The following CD37 variants were observed in gnomAD, a reference collection of about 807,000 sequenced individuals.
CD37 encodes leukocyte antigen CD37.
CD37 carries 37 observed loss-of-function variants against 38.9 expected under a neutral mutation model. The ratio of observed to expected loss-of-function variants is 0.95; its 90% CI spans 0.73 to 1.25. The LOEUF is 1.25. Ranked by LOEUF, CD37 falls within the 50% of genes most tolerant of loss-of-function variation. The pLI is 0.00. For synonymous variants in CD37, 146 were observed against 150.1 expected, an observed-to-expected ratio of 0.97 and a Z score of 0.20; for missense variants, 351 against 360.1, an observed-to-expected ratio of 0.97 and a Z score of 0.20.
intron 4 of CD37, chr19:49,337,693 A>G: frequency 6.5e-7 from 1 of 1,529,700 alleles, no homozygotes; most frequent in Non-Finnish European, 8.8e-7. Context: ...CACGGGAAAA[A>G]GAGAGAACAA....
Position 49,335,810 on chromosome 19 carries a change from G to C in CD37, c.142+24G>C, listed in dbSNP as rs779872183. The C allele has an allele frequency of 4.0e-5, 60 of 1,490,766 alleles. No individual in the cohort carries two copies. In the East Asian group the frequency reaches 1.2e-3, roughly 30 times the overall value. 92.3% of individuals were successfully genotyped at this position (1,490,766 alleles called of 1,614,324 possible). ...GGGTGAGGGGGGCTGGGGCAGGTGG[G>C]AGGGCCTCCCCCAACCCAAGCAACT... is the stretch of plus-strand genomic sequence containing the variant. On this transcript the variant is annotated intron_variant, in intron 2 of 7. Coordinates refer to ENST00000323906, the MANE Select transcript of CD37 (RefSeq NM_001774.3). This position sits in a 1 kb window ranked among gnomAD's most constrained non-coding sequence, Gnocchi z 4.6.
intron 4 of CD37, chr19:49,337,710 G>T: frequency 6.5e-7 from 1 of 1,534,136 alleles, no homozygotes; most frequent in Non-Finnish European, 8.7e-7. Context: ...ACAAGAGAAA[G>T]AAATAGACGC....
Position 49,338,957 on chromosome 19 carries a change from T to C in CD37, c.684+21T>C. ...GCGAGGTGGGCAGGGGTTCGGAGCA[T>C]AAACCTGTCGAATGGGGCGGGGCCT... On this transcript the variant is annotated intron_variant, in intron 6 of 7. Transcript: ENST00000323906. The surrounding 1 kb of genome is among the most constrained non-coding windows in gnomAD (Gnocchi z 5.0). 1 of 1,584,300 alleles carries C rather than the reference T, an allele frequency of 6.3e-7. No homozygotes were observed. The highest frequency in any genetic ancestry group is 8.7e-7 in the Non-Finnish European group (1 of 1,154,834).
Position 49,337,033 on chromosome 19 carries a change from G to C in CD37, c.267G>C (p.Leu89=). The change falls in exon 3 of 8, where the codon CTG becomes CTC. Residue 89 remains leucine (L), a splice_region_variant and synonymous_variant. Coordinates refer to ENST00000323906, the MANE Select transcript of CD37 (RefSeq NM_001774.3). ...AGGAGCTCCGCTGCCTCCTGGGCCT[G>C]GTGAGTGCACCATCCCTCTCCGTCC... ...ALKELRCLLG[L]YFGMLLLLFA... The C allele has an allele frequency of 6.2e-7, 1 of 1,613,296 alleles. No homozygotes were observed. The highest frequency in any genetic ancestry group is 1.3e-5 in the African/African-American group (1 of 75,072).
rs778370014 is a variant in CD37, at chr19:49,337,214, G to C, written c.335G>C (p.Arg112Pro). ...CTGGGAATCCTCATCTCCACTCAGC[G>C]GGCCCAGGTGAGCTTCCTGCAGTGG... ...ITLGILISTQ[R>P]AQLERSLRDV... Residue 112 changes from arginine to proline, a missense_variant, in exon 4 of 8, where the codon CGG becomes CCG. Coordinates refer to ENST00000323906, the MANE Select transcript of CD37 (RefSeq NM_001774.3). 24 of 1,613,942 alleles carry C rather than the reference G, an allele frequency of 1.5e-5. No homozygotes were observed. In the Middle Eastern group the frequency reaches 6.6e-4, roughly 44 times the overall value.
At position 49,338,653 on chromosome 19, in the gene CD37, T is replaced by A; in HGVS notation, c.448-47T>A. ...TCACCTTGTCCCCTGATCCCCAACA[T>A]CATATGTCTCCAGTCCCGGTCCCTC... On this transcript the variant is annotated intron_variant, in intron 5 of 7. Coordinates refer to ENST00000323906, the MANE Select transcript of CD37 (RefSeq NM_001774.3). This position sits in a 1 kb window ranked among gnomAD's most constrained non-coding sequence, Gnocchi z 5.0. The A allele has an allele frequency of 7.2e-7, 1 of 1,394,092 alleles. No homozygotes were observed. Among genetic ancestry groups the A allele is most frequent in the Non-Finnish European group, 1.0e-6 (1 of 990,332 alleles). The allele number at this position is 1,394,092 out of a possible 1,614,324, so 86.4% of individuals were successfully genotyped here.
In CD37 at chr19:49,335,589, G is replaced by A. The variant is rs766158685; in HGVS notation, c.49G>A (p.Val17Ile). Residue 17 changes from valine to isoleucine, a missense_variant, in exon 1 of 8, where the codon GTT (valine) becomes ATT (isoleucine). Transcript: ENST00000323906. The surrounding 1 kb of genome is among the most constrained non-coding windows in gnomAD (Gnocchi z 4.6). ...CAGCCTCATCAAGTACTTCCTCTTCGTTTTCAACCTCTTCTTCTTCGTGAG... is the reference window on the plus strand; with the variant it reads ...CAGCCTCATCAAGTACTTCCTCTTCATTTTCAACCTCTTCTTCTTCGTGAG... ...CLSLIKYFLF[V>I]FNLFFFVLGS... 13 of 1,613,844 alleles carry A rather than the reference G, an allele frequency of 8.1e-6. No individual in the cohort carries two copies. Among genetic ancestry groups the A allele is most frequent in the Admixed American group, 5.0e-5 (3 of 59,992 alleles).
chr19:49,337,194 A>T lies in CD37; in HGVS notation c.315A>T (p.Gly105=). 1 of 1,614,118 alleles carries T rather than the reference A, an allele frequency of 6.2e-7. No homozygotes were observed. Among genetic ancestry groups the T allele is most frequent in the Non-Finnish European group, 8.5e-7 (1 of 1,180,016 alleles). The stretch of plus-strand genomic sequence containing the variant: ...TGTTTGCCACACAGATCACCCTGGG[A>T]ATCCTCATCTCCACTCAGCGGGCCC... ...LLLFATQITL[G]ILISTQRAQL... Residue 105 remains glycine, a synonymous_variant, in exon 4 of 8, where the codon GGA becomes GGT. Transcript: ENST00000323906.
chr19:49,336,516 T>C lies in CD37; in HGVS notation c.143-393T>C, dbSNP rs1452385527. The stretch of plus-strand genomic sequence containing the variant: ...GAGGTTGCAGTGAGCCGAGATCACA[T>C]CACTGCACTCCAGCCTGGGGGACAG... On this transcript the variant is annotated intron_variant, in intron 2 of 7. Transcript: ENST00000323906. 5 of 178,844 alleles carry C rather than the reference T, an allele frequency of 2.8e-5. No homozygotes were observed. The South Asian group carries it at 5.4e-4, about 19-fold the overall frequency. The allele number at this position is 178,844 out of a possible 1,614,324, so 11.1% of individuals were successfully genotyped here. A position where few individuals can be genotyped will look rare whatever the true frequency, so the allele number is the denominator to read the frequency against.
Position 49,339,065 on chromosome 19 carries a change from C to T in CD37, c.684+129C>T. ...AAAAGGAAAGGTACGGCAGGAGGGGCGGGGCCCTCTGAAGGGGGCGGGGTC... is the reference window on the plus strand; with the variant it reads ...AAAAGGAAAGGTACGGCAGGAGGGGTGGGGCCCTCTGAAGGGGGCGGGGTC... On this transcript the variant is annotated intron_variant, in intron 6 of 7. Coordinates refer to ENST00000323906, the MANE Select transcript of CD37 (RefSeq NM_001774.3). This position sits in a 1 kb window ranked among gnomAD's most constrained non-coding sequence, Gnocchi z 4.5. 6.4e-6 allele frequency: 5 copies of T among 778,518 alleles called. No individual in the cohort carries two copies. The highest frequency in any genetic ancestry group is 1.0e-5 in the Non-Finnish European group (5 of 480,262). The allele number at this position is 778,518 out of a possible 1,614,324, so 48.2% of individuals were successfully genotyped here.
At position 49,339,173 on chromosome 19, in the gene CD37, T is replaced by G. The variant is rs1971088907; in HGVS notation, c.685-157T>G. On this transcript the variant is annotated intron_variant, in intron 6 of 7. Transcript: ENST00000323906. This position sits in a 1 kb window ranked among gnomAD's most constrained non-coding sequence, Gnocchi z 4.5. ...AGGGAGGGGCCAGGCTTGGAAAAGG[T>G]GAAGCGAGGGTGCACTAGTAAGGAG... is the stretch of plus-strand genomic sequence containing the variant. Among the ~76,000 whole-genome samples the G allele has an allele frequency of 6.6e-6, 1 of 151,480 alleles. No individual in the cohort carries two copies. The highest frequency in any genetic ancestry group is 2.4e-5 in the African/African-American group (1 of 41,152).
intron 2 of CD37, 157 bp from the exon 3 acceptor site, chr19:49,336,752 T>C (rs1970970387): frequency 1.0e-5 from 7 of 677,622 alleles, no homozygotes; most frequent in Non-Finnish European, 1.7e-5. Context: ...AGAGAAAGTT[T>C]CAGAAGGAAA....
At position 49,338,558 on chromosome 19, in the gene CD37, C is replaced by A; in HGVS notation, c.448-142C>A. On this transcript the variant is annotated intron_variant, in intron 5 of 7. Transcript: ENST00000323906. The surrounding 1 kb of genome is among the most constrained non-coding windows in gnomAD (Gnocchi z 5.0). ...TCCCCTGGCTCCGGCCCCATCGTGACCCCAGCCCACTGTCCCCCACTCCAC... is the reference window on the plus strand; with the variant it reads ...TCCCCTGGCTCCGGCCCCATCGTGAACCCAGCCCACTGTCCCCCACTCCAC... 1.5e-6 allele frequency: 1 copy of A among 674,078 alleles called. No homozygotes were observed. Among genetic ancestry groups the A allele is most frequent in the Non-Finnish European group, 2.7e-6 (1 of 376,006 alleles). 41.8% of individuals were successfully genotyped at this position (674,078 alleles called of 1,614,324 possible).
rs1053376588 is a variant in CD37, at chr19:49,339,780, C to A, written c.768+367C>A. The stretch of plus-strand genomic sequence containing the variant: ...CCAGCCTGATCGCTGACGGCGGCGG[C>A]GGGCACAGCGGCAGTCTGTGGGGTG... On this transcript the variant is annotated intron_variant, in intron 7 of 7. Coordinates refer to ENST00000323906, the MANE Select transcript of CD37 (RefSeq NM_001774.3). This position sits in a 1 kb window ranked among gnomAD's most constrained non-coding sequence, Gnocchi z 4.5. 1.2e-5 allele frequency: 17 copies of A among 1,363,710 alleles called. No homozygotes were observed. The highest frequency in any genetic ancestry group is 1.5e-5 in the Non-Finnish European group (16 of 1,059,332). The allele number at this position is 1,363,710 out of a possible 1,614,324, so 84.5% of individuals were successfully genotyped here.
At position 49,338,841 on chromosome 19, in the gene CD37, A is replaced by T. The variant is rs1266771403; in HGVS notation, c.589A>T (p.Ile197Phe). ...CGACTCCACAATCCTAGATAAGGTG[A>T]TCTTGCCCCAGCTCAGCAGGCTTGG... ...TNDSTILDKV[I>F]LPQLSRLGHL... The change falls in exon 6 of 8, where the codon ATC becomes TTC. Residue 197 changes from isoleucine to phenylalanine, a missense_variant. Physicochemically the swap from Ile to Phe is conservative, Grantham distance 21. Transcript: ENST00000323906. This position sits in a 1 kb window ranked among gnomAD's most constrained non-coding sequence, Gnocchi z 5.0. 2 of 1,613,986 alleles carry T rather than the reference A, an allele frequency of 1.2e-6. No individual in the cohort carries two copies. The highest frequency in any genetic ancestry group is 2.7e-5 in the African/African-American group (2 of 74,894).
At chr19:49,337,092 G>T in intron 3 of CD37, 55 bp from the exon 4 acceptor site, 1 of 1,614,038 alleles carries the variant, frequency 6.2e-7, no homozygotes, top group Non-Finnish European at 8.5e-7. Flanking sequence ...CTCAAAAATG[G>T]CCTGGGCCGG....
intron 4 of CD37, chr19:49,337,617 AATT>A: frequency 1.4e-6 from 2 of 1,467,418 alleles, no homozygotes; most frequent in Non-Finnish European, 1.8e-6. Context: ...TCAAAAAATA[AATT>A]AATAGAAAGA....
At chr19:49,340,039 C>A (rs1161850014) in intron 7 of CD37, 2 of 1,493,264 alleles carry the variant, frequency 1.3e-6, no homozygotes, top group Non-Finnish European at 1.8e-6. Flanking sequence ...TCCTTCTCAG[C>A]CTCTACCCCC....
Position 49,337,939 on chromosome 19 carries a change from G to A in CD37, c.357G>A (p.Leu119=), listed in dbSNP as rs1488735910. The A allele has an allele frequency of 1.2e-6, 2 of 1,613,994 alleles. No individual in the cohort carries two copies. Among genetic ancestry groups the A allele is most frequent in the African/African-American group, 2.7e-5 (2 of 74,898 alleles). ...TGGCCTCTCAGCTGGAGCGAAGCTT[G>A]CGGGACGTCGTAGAGAAAACCATCC... The part of the protein sequence containing the change: ...STQRAQLERS[L]RDVVEKTIQK... Residue 119 remains leucine, a synonymous_variant, in exon 5 of 8, where the codon TTG becomes TTA. Transcript: ENST00000323906.
Sources: gnomAD v4.1 joint callset for allele counts (sites outside exome capture counted in the v4.1 genomes callset) on GRCh38, gnomAD v4.1.1 for gene constraint, Gnocchi (gnomAD v3.1) non-coding constraint, MANE v1.5 for transcripts, NCBI Gene and HGNC (gene_info 2026-07-23, HGNC 2026-07-21) for gene names.